Variants in KDM4B observed in about 807,000 individuals in gnomAD.
KDM4B encodes lysine-specific demethylase 4B.
Under a neutral mutation model 125.2 loss-of-function variants are expected in KDM4B, and 32 were observed. That is an observed-to-expected ratio of 0.26 (90% confidence interval 0.19 to 0.34). KDM4B has a LOEUF of 0.34. Ranked by LOEUF, KDM4B falls within the 10% of genes least tolerant of loss-of-function variation. The probability of loss-of-function intolerance (pLI) is 1.00; values close to 1 mark genes in which losing one functional copy is unlikely to be tolerated. For synonymous variants in KDM4B, 721 were observed against 677.9 expected (o/e 1.06, Z -0.99); for missense variants, 1,190 against 1,577.7 (o/e 0.75, Z 4.16).
intron 1 of KDM4B, among the ~76,000 whole-genome samples, chr19:4,996,607 G>A (rs901052770): frequency 6.6e-6 from 1 of 151,774 alleles, no homozygotes; most frequent in Non-Finnish European, 1.5e-5. Flanking sequence ...ATTTTGAAGC[G>A]TGTTGCTCAG....
intron 9 of KDM4B, among the ~76,000 whole-genome samples, chr19:5,103,567 G>C (rs1002460521): frequency 6.6e-6 from 1 of 152,206 alleles, no homozygotes; most frequent in Admixed American, 6.5e-5. Context: ...GGGCCAGCCA[G>C]CAGCAGCGGT....
intron 7 of KDM4B, chr19:5,077,002 T>C: frequency 3.8e-6 from 1 of 260,850 alleles, no homozygotes; most frequent in Non-Finnish European, 7.4e-6. Context: ...GGTGGGCACC[T>C]TGTCACACAA....
chr19:5,125,256 C>A (rs1470314100), intron 11 of KDM4B, among the ~76,000 whole-genome samples: 1 of 151,230 alleles, frequency 6.6e-6, no homozygotes, highest in Non-Finnish European at 1.5e-5. Context: ...ACAGCCACAC[C>A]CTCCCCAGCC....
At chr19:5,101,774 G>A (rs1007739553) in intron 9 of KDM4B, among the ~76,000 whole-genome samples, 4 of 152,244 alleles carry the variant, frequency 2.6e-5, no homozygotes, top group East Asian at 1.9e-4. Flanking sequence ...TGCTTTTCCC[G>A]GGGATACCTG....
rs1009358232 is a variant in KDM4B at position 4,969,945 on chromosome 19, C to T, written c.-109+715C>T. Among the ~76,000 whole-genome samples, 4 of 152,302 alleles carry T rather than the reference C, an allele frequency of 2.6e-5. No homozygotes were observed. The East Asian group carries it at 7.7e-4, about 29-fold the overall frequency. On this transcript the variant is annotated intron_variant, in intron 1 of 22. Coordinates refer to ENST00000159111, the MANE Select transcript of KDM4B (RefSeq NM_015015.3). ...CGGCAGCCTCCACGAGTCTCTCCGT[C>T]CCTCCCCCTTCCAGCCTGATCGCCA...
chr19:5,119,511 C>T (rs974133116), intron 10 of KDM4B, 142 bp from the exon 11 acceptor site: 38 of 843,454 alleles, frequency 4.5e-5, no homozygotes, highest in Middle Eastern at 2.5e-4. Flanking sequence ...CCTTTACCCC[C>T]GGCCTCCAGC....
At chr19:5,038,900 C>A (rs1463053201) in intron 3 of KDM4B, among the ~76,000 whole-genome samples, 1 of 152,380 alleles carries the variant, frequency 6.6e-6, no homozygotes. Flanking sequence ...TCACTCCAGG[C>A]GGGGCGGAGG....
At position 5,153,405 on chromosome 19, in the gene KDM4B, G is replaced by A. The variant is rs565595674; in HGVS notation, c.*1894G>A. On this transcript the variant is annotated 3_prime_UTR_variant, in exon 23 of 23. Coordinates refer to ENST00000159111, the MANE Select transcript of KDM4B (RefSeq NM_015015.3). ...GGGCTCCTGGGCGGCCTGCGCAGAT[G>A]GGCCACAGAAGGGCAGGCCGGAGCT... 50 of 152,394 alleles carry A rather than the reference G, an allele frequency of 3.3e-4. No homozygotes were observed. The highest frequency in any genetic ancestry group is 1.2e-3 in the African/African-American group (50 of 41,582). The allele number at this position is 152,394 out of a possible 1,614,324, so 9.4% of individuals were successfully genotyped here.
intron 2 of KDM4B, among the ~76,000 whole-genome samples, chr19:5,025,539 G>A (rs1399415815): frequency 6.6e-6 from 1 of 152,202 alleles, no homozygotes; most frequent in East Asian, 1.9e-4. Context: ...CGGTTGGATC[G>A]TGTCTCCTTG....
intron 14 of KDM4B, 86 bp downstream of exon 14, chr19:5,134,147 CCT>C (rs1599252939): frequency 3.1e-6 from 4 of 1,298,024 alleles, no homozygotes; most frequent in South Asian, 2.8e-5. Context: ...CACACGCCTC[CCT>C]CTCTCACGCA....
chr19:5,087,265 C>T (rs1230974399), intron 9 of KDM4B, among the ~76,000 whole-genome samples: 1 of 152,280 alleles, frequency 6.6e-6, no homozygotes, highest in African/African-American at 2.4e-5. Flanking sequence ...ACCCTTGCCA[C>T]CTGTCTGTGC....
chr19:5,059,223 G>T (rs564707117), intron 6 of KDM4B, among the ~76,000 whole-genome samples: 2 of 152,352 alleles, frequency 1.3e-5, no homozygotes, highest in African/African-American at 4.8e-5. Context: ...GCAAATCTGC[G>T]GGAGGAGAGT....
At chr19:4,995,080 CAT>C (rs1392268678) in intron 1 of KDM4B, among the ~76,000 whole-genome samples, 3 of 152,152 alleles carry the variant, frequency 2.0e-5, no homozygotes, top group Non-Finnish European at 4.4e-5. Flanking sequence ...TTCCTCCTCA[CAT>C]TCAGTGAAAT....
chr19:5,038,675 C>G (rs530511159), intron 3 of KDM4B, among the ~76,000 whole-genome samples: 1 of 152,334 alleles, frequency 6.6e-6, no homozygotes, highest in Admixed American at 6.5e-5. Flanking sequence ...GTCTGCTCAC[C>G]CCAGGGTGCC....
intron 10 of KDM4B, among the ~76,000 whole-genome samples, chr19:5,116,197 T>G (rs2039250891): frequency 7.5e-6 from 1 of 133,058 alleles, no homozygotes; most frequent in African/African-American, 2.9e-5. Flanking sequence ...GGCCCAGAGT[T>G]CGAGGTCAGC....
At chr19:5,080,722 T>C (rs2038265584) in intron 8 of KDM4B, 4 of 152,324 alleles carry the variant, frequency 2.6e-5, no homozygotes, top group African/African-American at 9.6e-5. Context: ...TGAAAACATA[T>C]GTCTCCAGAA....
chr19:4,990,155 G>T (rs1269594090), intron 1 of KDM4B, among the ~76,000 whole-genome samples: 1 of 152,096 alleles, frequency 6.6e-6, no homozygotes, highest in African/African-American at 2.4e-5. Flanking sequence ...GCTGAGCATG[G>T]AGGTGGCACC....
rs372874602 is a variant in KDM4B at position 5,098,905 on chromosome 19, A to G, written c.919-11717A>G. ...CAATTTGCTTATGAGCCCCCAGCTT[A>G]TGGTATTTTGTTTCAATAATGGACT... On this transcript the variant is annotated intron_variant, in intron 9 of 22. Coordinates refer to ENST00000159111, the MANE Select transcript of KDM4B (RefSeq NM_015015.3). Among the ~76,000 whole-genome samples, 24 of 152,318 alleles carry G rather than the reference A, an allele frequency of 1.6e-4. No homozygotes were observed. The South Asian group carries it at 3.5e-3, about 22-fold the overall frequency.
chr19:5,033,701 G>T lies in KDM4B; in HGVS notation c.141+670G>T, dbSNP rs565267638. ...TGACCAGGAGCCTCCTCCCTGTCCC[G>T]ACCCAGTCCCCCACCCTCTCCCTGG... On this transcript the variant is annotated intron_variant, in intron 3 of 22. Transcript: ENST00000159111. Among the ~76,000 whole-genome samples, 4 of 152,228 alleles carry T rather than the reference G, an allele frequency of 2.6e-5. No homozygotes were observed. In the South Asian group the frequency reaches 8.3e-4, roughly 32 times the overall value.
Sources: allele counts gnomAD v4.1 joint callset (sites outside exome capture counted in the v4.1 genomes callset), GRCh38; gene constraint gnomAD v4.1.1; transcripts MANE v1.5; gene names NCBI Gene and HGNC (gene_info 2026-07-23, HGNC 2026-07-21).